TM9SF3: variants seen among roughly 807,000 people sequenced by gnomAD.
The protein encoded by TM9SF3 is transmembrane 9 superfamily member 3, also known as SM-11044-binding protein.
Under a neutral mutation model 78.6 loss-of-function variants are expected in TM9SF3, and 14 were observed. The ratio of observed to expected loss-of-function variants is 0.18; its 90% CI spans 0.12 to 0.28. TM9SF3 has a LOEUF of 0.28. Among genes scored for constraint, TM9SF3 ranks in the 10% least tolerant of loss-of-function variants. TM9SF3 has a pLI of 1.00. For missense variants in TM9SF3, 496 were observed against 721.9 expected, an observed-to-expected ratio of 0.69 and a Z score of 3.59; for synonymous variants, 231 against 241.7, an observed-to-expected ratio of 0.96 and a Z score of 0.41.
At chr10:96,555,745 CA>C (rs1385677084) in intron 5 of TM9SF3, among the ~76,000 whole-genome samples, 5 of 151,850 alleles carry the variant, frequency 3.3e-5, no homozygotes, top group Non-Finnish European at 5.9e-5. Flanking sequence ...AATGTTTGCT[CA>C]AAAAAGGTTA....
intron 4 of TM9SF3, 58 bp from the exon 5 acceptor site, chr10:96,559,794 G>T: frequency 9.8e-7 from 1 of 1,020,388 alleles, no homozygotes; most frequent in Non-Finnish European, 1.4e-6. Flanking sequence ...ATAATCTGAT[G>T]ACAAAACTCT....
intron 5 of TM9SF3, among the ~76,000 whole-genome samples, chr10:96,556,629 T>C (rs185650223): frequency 6.6e-6 from 1 of 152,202 alleles, no homozygotes; most frequent in African/African-American, 2.4e-5. Context: ...CCCATCAGCA[T>C]ATAAAGTTAA....
intron 5 of TM9SF3, among the ~76,000 whole-genome samples, chr10:96,557,130 A>G (rs1248857004): frequency 6.6e-6 from 1 of 152,168 alleles, no homozygotes; most frequent in Non-Finnish European, 1.5e-5. Flanking sequence ...ATAGCCACAA[A>G]TATGATCTAT....
At chr10:96,534,163 T>C (rs1847928110) in intron 9 of TM9SF3, among the ~76,000 whole-genome samples, 1 of 152,186 alleles carries the variant, frequency 6.6e-6, no homozygotes, top group South Asian at 2.1e-4. Context: ...TGAACCAATA[T>C]TAGTAAAAAT....
At chr10:96,584,632 T>G (rs1050533370) in intron 1 of TM9SF3, among the ~76,000 whole-genome samples, 1 of 152,000 alleles carries the variant, frequency 6.6e-6, no homozygotes, top group Non-Finnish European at 1.5e-5. Flanking sequence ...CGGGCCAACA[T>G]GGCGAAATCC....
chr10:96,586,241 T>C (rs1480361575), intron 1 of TM9SF3, among the ~76,000 whole-genome samples: 1 of 152,182 alleles, frequency 6.6e-6, no homozygotes, highest in Non-Finnish European at 1.5e-5. Context: ...AAGCGGGCGA[T>C]AAAAGCCAAA....
At position 96,528,013 on chromosome 10, in the gene TM9SF3, C is replaced by G; in HGVS notation, c.1541+18G>C. ...ATATTATGGTTCCCCAAATTTCTAT[C>G]CACAAATAGGTACTTACCACCGGTA... On this transcript the variant is annotated intron_variant, in intron 12 of 14. Transcript: ENST00000371142. The G allele has an allele frequency of 6.3e-7, 1 of 1,594,504 alleles. No individual in the cohort carries two copies. Among genetic ancestry groups the G allele is most frequent in the Non-Finnish European group, 8.5e-7 (1 of 1,172,000 alleles).
intron 8 of TM9SF3, among the ~76,000 whole-genome samples, chr10:96,546,589 T>C (rs1287554742): frequency 2.0e-5 from 3 of 152,174 alleles, no homozygotes; most frequent in East Asian, 3.8e-4. Context: ...TCCTATATGA[T>C]AGGACTAATT....
At chr10:96,538,348 C>G (rs1847983388) in intron 9 of TM9SF3, among the ~76,000 whole-genome samples, 1 of 152,116 alleles carries the variant, frequency 6.6e-6, no homozygotes, top group Non-Finnish European at 1.5e-5. Context: ...CAAAACCCCT[C>G]TGGCCCTTAA....
At position 96,521,222 on chromosome 10, in the gene TM9SF3, A is replaced by C. The variant is rs1847765041; in HGVS notation, c.*1041T>G. On this transcript the variant is annotated 3_prime_UTR_variant, in exon 15 of 15. Coordinates refer to ENST00000371142, the MANE Select transcript of TM9SF3 (RefSeq NM_020123.4). ...TAGGCAAGATGTAAAAGCCCACCCA[A>C]ATCACACATTTCTACACCAATCATC... 5 of 252,286 alleles carry C rather than the reference A, an allele frequency of 2.0e-5. No individual in the cohort carries two copies. In the Admixed American group the frequency reaches 2.8e-4, roughly 14 times the overall value. The allele number at this position is 252,286 out of a possible 1,614,324, so 15.6% of individuals were successfully genotyped here.
At position 96,544,107 on chromosome 10, in the gene TM9SF3, T is replaced by C. The variant is rs1301243995; in HGVS notation, c.1154A>G (p.His385Arg). Reference protein sequence around the residue: ...FFINFIAIYYHASRAIPFGTM... With the variant: ...FFINFIAIYYRASRAIPFGTM... Reference sequence around the variant, plus strand: ...TCCAAAAGGAATGGCTCTTGAAGCATGGTAATAAATGGCTATGAAATTGAT... The same window carrying C: ...TCCAAAAGGAATGGCTCTTGAAGCACGGTAATAAATGGCTATGAAATTGAT... The change falls in exon 9 of 15, where the codon CAT becomes CGT. Residue 385 changes from histidine (H) to arginine (R), a missense_variant. Transcript: ENST00000371142. The C allele has an allele frequency of 6.2e-7, 1 of 1,612,668 alleles. No homozygotes were observed. Among genetic ancestry groups the C allele is most frequent in the Non-Finnish European group, 8.5e-7 (1 of 1,179,524 alleles).
At chr10:96,536,509 G>A (rs1459441240) in intron 9 of TM9SF3, among the ~76,000 whole-genome samples, 1 of 151,958 alleles carries the variant, frequency 6.6e-6, no homozygotes, top group African/African-American at 2.4e-5. Flanking sequence ...CTCACTTATT[G>A]TAGAACTAAT....
intron 1 of TM9SF3, among the ~76,000 whole-genome samples, chr10:96,580,060 G>A (rs941886332): frequency 7.2e-5 from 11 of 152,282 alleles, no homozygotes; most frequent in Non-Finnish European, 8.8e-5. Flanking sequence ...CAGTGTATCA[G>A]GGGATCCCTA....
intron 9 of TM9SF3, among the ~76,000 whole-genome samples, chr10:96,534,435 A>G (rs938300549): frequency 2.0e-5 from 3 of 152,218 alleles, no homozygotes; most frequent in Non-Finnish European, 4.4e-5. Flanking sequence ...GCATTATGTT[A>G]TGAACTATAC....
At chr10:96,538,246 T>G (rs1422428829) in intron 9 of TM9SF3, among the ~76,000 whole-genome samples, 3 of 152,114 alleles carry the variant, frequency 2.0e-5, no homozygotes, top group Non-Finnish European at 4.4e-5. Context: ...AAACTGGTTA[T>G]CAACAAAGGT....
rs12411811 is a variant in TM9SF3, at chr10:96,551,431, T to C, written c.793-20A>G. 6.9e-6 allele frequency: 10 copies of C among 1,446,420 alleles called. No individual in the cohort carries two copies. The highest frequency in any genetic ancestry group is 1.8e-4 in the Middle Eastern group (1 of 5,550). 89.6% of individuals were successfully genotyped at this position (1,446,420 alleles called of 1,614,324 possible). ...TCTATCCTATATACAAATATATATATAGAGAGAGAAAAGCAAATCATTCAG... is the reference window on the plus strand; with the variant it reads ...TCTATCCTATATACAAATATATATACAGAGAGAGAAAAGCAAATCATTCAG... On this transcript the variant is annotated intron_variant, in intron 6 of 14. Coordinates refer to ENST00000371142, the MANE Select transcript of TM9SF3 (RefSeq NM_020123.4).
intron 9 of TM9SF3, among the ~76,000 whole-genome samples, chr10:96,538,252 A>G (rs1847982496): frequency 6.6e-6 from 1 of 152,230 alleles, no homozygotes; most frequent in South Asian, 2.1e-4. Context: ...GTTATCAACA[A>G]AGGTGCTAAG....
chr10:96,551,663 T>C (rs984358337), intron 6 of TM9SF3, among the ~76,000 whole-genome samples: 2 of 152,170 alleles, frequency 1.3e-5, no homozygotes, highest in African/African-American at 4.8e-5. Flanking sequence ...AGAAAAGGTT[T>C]AGTAACAAAA....
At chr10:96,550,426 T>C (rs1848153537) in intron 7 of TM9SF3, among the ~76,000 whole-genome samples, 1 of 152,184 alleles carries the variant, frequency 6.6e-6, no homozygotes, top group Non-Finnish European at 1.5e-5. Flanking sequence ...GCCAGGCATA[T>C]AGAGGAAAGA....
Sources: allele counts gnomAD v4.1 joint callset (sites outside exome capture counted in the v4.1 genomes callset), GRCh38; gene constraint gnomAD v4.1.1; transcripts MANE v1.5; gene names NCBI Gene and HGNC (gene_info 2026-07-23, HGNC 2026-07-21).